GPBP1: variants seen among roughly 807,000 people sequenced by gnomAD.
The protein encoded by GPBP1 is vasculin.
In GPBP1, 13 loss-of-function variants were observed where a neutral mutation model predicts 56.5. That is an observed-to-expected ratio of 0.23 (90% CI 0.15 to 0.37). The LOEUF (loss-of-function observed/expected upper bound fraction) is 0.37, where lower values mean the gene tolerates loss of function less well. Among genes scored for constraint, GPBP1 ranks in the 10% least tolerant of loss-of-function variants. GPBP1 has a pLI of 1.00. For missense variants in GPBP1, 477 were observed against 572.3 expected, an observed-to-expected ratio of 0.83 and a Z score of 1.70; for synonymous variants, 204 against 188.9, an observed-to-expected ratio of 1.08 and a Z score of -0.66.
intron 2 of GPBP1, among the ~76,000 whole-genome samples, chr5:57,189,440 T>C (rs1275858925): frequency 6.6e-6 from 1 of 152,132 alleles, no homozygotes; most frequent in Non-Finnish European, 1.5e-5. Context: ...GTATTTTTAG[T>C]AGAGACAGGG....
chr5:57,216,626 C>T (rs972254526), intron 3 of GPBP1, among the ~76,000 whole-genome samples: 1 of 152,062 alleles, frequency 6.6e-6, no homozygotes, highest in African/African-American at 2.4e-5. Context: ...GTAGAGGTTG[C>T]AGGGAGCCGA....
chr5:57,240,503 G>T (rs1192225510), intron 6 of GPBP1, among the ~76,000 whole-genome samples: 1 of 152,158 alleles, frequency 6.6e-6, no homozygotes, highest in Non-Finnish European at 1.5e-5. Flanking sequence ...ATCTGCCACA[G>T]GAACAATTTC....
intron 2 of GPBP1, among the ~76,000 whole-genome samples, chr5:57,195,893 C>G (rs1218236243): frequency 1.4e-5 from 2 of 138,520 alleles, no homozygotes; most frequent in Non-Finnish European, 3.0e-5. Context: ...GTCCCAGCTA[C>G]TCTGGAGGCT....
intron 2 of GPBP1, among the ~76,000 whole-genome samples, chr5:57,197,862 G>A (rs548890793): frequency 4.6e-5 from 7 of 151,622 alleles, no homozygotes; most frequent in African/African-American, 1.7e-4. Flanking sequence ...AATGTTTGAT[G>A]ATTATTAGTT....
chr5:57,227,782 A>G (rs1311798391), intron 3 of GPBP1, among the ~76,000 whole-genome samples: 3 of 152,204 alleles, frequency 2.0e-5, no homozygotes, highest in East Asian at 1.9e-4. Context: ...GCCAGCATCC[A>G]TGAAACAGTA....
intron 2 of GPBP1, among the ~76,000 whole-genome samples, chr5:57,185,991 G>A (rs1480524425): frequency 1.3e-5 from 2 of 151,596 alleles, no homozygotes; most frequent in Admixed American, 6.6e-5. Context: ...TTGTCTTAAC[G>A]AATTGTGAGA....
chr5:57,250,737 G>A (rs1488895159), intron 9 of GPBP1, among the ~76,000 whole-genome samples: 1 of 151,926 alleles, frequency 6.6e-6, no homozygotes, highest in Non-Finnish European at 1.5e-5. Flanking sequence ...TAGAGATGGG[G>A]TTTCACCATT....
At chr5:57,221,998 TAAATG>T (rs1755976253) in intron 3 of GPBP1, among the ~76,000 whole-genome samples, 1 of 152,198 alleles carries the variant, frequency 6.6e-6, no homozygotes, top group Non-Finnish European at 1.5e-5. Flanking sequence ...GAGAAAATTT[TAAATG>T]AAACTTTTTT....
chr5:57,187,968 C>T (rs535311034), intron 2 of GPBP1, among the ~76,000 whole-genome samples: 1 of 151,914 alleles, frequency 6.6e-6, no homozygotes, highest in East Asian at 1.9e-4. Context: ...CGAGGCTGGG[C>T]TTGGTGGCTC....
intron 10 of GPBP1, among the ~76,000 whole-genome samples, chr5:57,260,630 T>C (rs1321986267): frequency 6.6e-6 from 1 of 152,154 alleles, no homozygotes; most frequent in Non-Finnish European, 1.5e-5. Flanking sequence ...ATGATACACA[T>C]TTTTTATGAA....
chr5:57,242,712 C>CT (rs1283139343), intron 6 of GPBP1, among the ~76,000 whole-genome samples: 4 of 152,104 alleles, frequency 2.6e-5, no homozygotes, highest in African/African-American at 7.2e-5. Context: ...TCCGAAAGTG[C>CT]TGGAATTACA....
At chr5:57,221,095 T>C (rs1228002602) in intron 3 of GPBP1, among the ~76,000 whole-genome samples, 1 of 152,206 alleles carries the variant, frequency 6.6e-6, no homozygotes, top group East Asian at 1.9e-4. Flanking sequence ...CAGAACTGTA[T>C]GGCAGTAGTT....
At chr5:57,181,692 G>C (rs982105641) in intron 2 of GPBP1, among the ~76,000 whole-genome samples, 1 of 152,096 alleles carries the variant, frequency 6.6e-6, no homozygotes, top group African/African-American at 2.4e-5. Context: ...CAAAGTGCTG[G>C]AATTACAGGT....
chr5:57,222,042 TG>T (rs1052488753), intron 3 of GPBP1, among the ~76,000 whole-genome samples: 10 of 152,212 alleles, frequency 6.6e-5, no homozygotes, highest in South Asian at 4.1e-4. Flanking sequence ...TTTTTTGTTT[TG>T]TTTTTTTTGT....
rs568871346 is a variant in GPBP1 at position 57,248,594 on chromosome 5, T to C, written c.805-815T>C. Among the ~76,000 whole-genome samples, 480 of 152,108 alleles carry C rather than the reference T, an allele frequency of 3.2e-3. 4 individuals are homozygous for C. The highest frequency in any genetic ancestry group is 0.011 in the African/African-American group (456 of 41,500). On this transcript the variant is annotated intron_variant, in intron 8 of 11. Coordinates refer to ENST00000506184, the MANE Select transcript of GPBP1 (RefSeq NM_022913.4). ...AGGCTGGGCATGTAGCCACTACGCCTGGCTAATTTTTTTGTATTTTTAGTA... is the reference window on the plus strand; with the variant it reads ...AGGCTGGGCATGTAGCCACTACGCCCGGCTAATTTTTTTGTATTTTTAGTA...
At chr5:57,207,499 AATGTTTAC>A (rs985462321) in intron 2 of GPBP1, among the ~76,000 whole-genome samples, 75 of 152,216 alleles carry the variant, frequency 4.9e-4, no homozygotes, top group African/African-American at 1.8e-3. Context: ...CCTAGGGGTG[AATGTTTAC>A]AGCTCCTGAA....
chr5:57,239,677 G>T (rs1740728537), intron 6 of GPBP1, among the ~76,000 whole-genome samples: 4 of 152,174 alleles, frequency 2.6e-5, no homozygotes, highest in Admixed American at 6.5e-5. Flanking sequence ...CCACTTGGGA[G>T]GCTGAGGCAT....
intron 5 of GPBP1, among the ~76,000 whole-genome samples, chr5:57,234,721 A>G (rs746877623): frequency 1.3e-5 from 2 of 152,202 alleles, no homozygotes; most frequent in African/African-American, 2.4e-5. Flanking sequence ...TTGATGTGCA[A>G]TCACTGGCTC....
chr5:57,176,555 T>C (rs1561315060), intron 2 of GPBP1, among the ~76,000 whole-genome samples, 155 bp downstream of exon 2: 2 of 151,722 alleles, frequency 1.3e-5, no homozygotes, highest in African/African-American at 2.4e-5. Context: ...CTATTAACCA[T>C]TGTCTGAGTA....
Sources: gnomAD v4.1 joint callset for allele counts (sites outside exome capture counted in the v4.1 genomes callset) on GRCh38, gnomAD v4.1.1 for gene constraint, MANE v1.5 for transcripts, NCBI Gene and HGNC (gene_info 2026-07-23, HGNC 2026-07-21) for gene names.